The following USP34 variants were observed in gnomAD, a reference collection of about 807,000 sequenced individuals.
The protein encoded by USP34 is ubiquitin carboxyl-terminal hydrolase 34.
USP34 carries 70 observed loss-of-function variants against 460.3 expected under a neutral mutation model. The observed-to-expected ratio is 0.15, with a 90% CI of 0.13 to 0.19. The LOEUF is 0.19. Among genes scored for constraint, USP34 ranks in the 10% least tolerant of loss-of-function variants. The pLI is 1.00. For synonymous variants in USP34, 1,647 were observed against 1,405.3 expected (o/e 1.17, Z -3.85); for missense variants, 3,985 against 4,236.2 (o/e 0.94, Z 1.65).
chr2:61,360,092 A>G (rs1282810455), intron 10 of USP34, among the ~76,000 whole-genome samples: 1 of 152,038 alleles, frequency 6.6e-6, no homozygotes, highest in Non-Finnish European at 1.5e-5. Context: ...AAGCACACAA[A>G]TAATAGCATA....
chr2:61,275,115 A>G (rs904075363), intron 41 of USP34, among the ~76,000 whole-genome samples: 6 of 151,930 alleles, frequency 3.9e-5, no homozygotes, highest in South Asian at 2.1e-4. Flanking sequence ...CGTCTCTACA[A>G]AAGATTTTTA....
intron 68 of USP34, among the ~76,000 whole-genome samples, chr2:61,212,380 C>T (rs1352022572): frequency 6.6e-6 from 1 of 152,182 alleles, no homozygotes; most frequent in Non-Finnish European, 1.5e-5. Context: ...GCATGCCACA[C>T]CATCTCCTAT....
At chr2:61,430,959 C>A (rs771900038) in intron 1 of USP34, among the ~76,000 whole-genome samples, 1 of 151,938 alleles carries the variant, frequency 6.6e-6, no homozygotes, top group African/African-American at 2.4e-5. Flanking sequence ...GAGCTATGAT[C>A]GTGCGCCCCT....
intron 1 of USP34, among the ~76,000 whole-genome samples, chr2:61,437,800 A>AATAAATAAATAAATAG (rs1694858319): frequency 6.7e-6 from 1 of 149,968 alleles, no homozygotes; most frequent in African/African-American, 2.4e-5. Flanking sequence ...TAAATAAATA[A>AATAAATAAATAAATAG]ATAAATAAAT....
intron 35 of USP34, among the ~76,000 whole-genome samples, chr2:61,284,111 C>T (rs115858710): frequency 1.9e-3 from 295 of 152,090 alleles, no homozygotes; most frequent in African/African-American, 6.8e-3. Flanking sequence ...ACAGCAAATA[C>T]GAAATGACTT....
chr2:61,291,735 G>A (rs1489702073), intron 33 of USP34, among the ~76,000 whole-genome samples: 1 of 152,028 alleles, frequency 6.6e-6, no homozygotes, highest in East Asian at 1.9e-4. Flanking sequence ...GTATTGGCAA[G>A]GTATACCACT....
intron 25 of USP34, among the ~76,000 whole-genome samples, chr2:61,313,024 A>AAT (rs1212684557): frequency 6.6e-6 from 1 of 152,196 alleles, no homozygotes; most frequent in Non-Finnish European, 1.5e-5. Flanking sequence ...TTCAATTAAT[A>AAT]ATAGCACTAA....
intron 51 of USP34, among the ~76,000 whole-genome samples, chr2:61,243,486 A>G (rs1000751933): frequency 1.3e-5 from 2 of 152,118 alleles, no homozygotes; most frequent in African/African-American, 4.8e-5. Flanking sequence ...TAAAATATGT[A>G]AAAGAAAAAA....
At chr2:61,405,612 G>A (rs748668955) in intron 3 of USP34, 96 bp downstream of exon 3, 23 of 1,126,938 alleles carry the variant, frequency 2.0e-5, no homozygotes, top group Non-Finnish European at 2.6e-5. Context: ...ATGATTTTCC[G>A]CCAGCAGAAA....
intron 1 of USP34, among the ~76,000 whole-genome samples, chr2:61,425,696 C>G (rs1325962710): frequency 1.3e-5 from 2 of 152,102 alleles, no homozygotes; most frequent in East Asian, 3.9e-4. Context: ...GACTACAACT[C>G]TTAACCGATT....
chr2:61,284,826 T>G, intron 35 of USP34, 49 bp downstream of exon 35: 1 of 1,419,792 alleles, frequency 7.0e-7, no homozygotes, highest in Middle Eastern at 2.5e-4. Context: ...TTTAAAACAT[T>G]ATATTCCTGC....
chr2:61,234,408 C>A (rs1445323806), intron 57 of USP34, among the ~76,000 whole-genome samples: 1 of 152,028 alleles, frequency 6.6e-6, no homozygotes, highest in Non-Finnish European at 1.5e-5. Flanking sequence ...AGTGGGTTAT[C>A]CTTAGGGATG....
In USP34 at chr2:61,236,021, C is replaced by A; in HGVS notation, c.6966+5G>T. ...ACAAAAAAATCCATAGTAGAAAACACATACCTTTTCTTTAGAATGAATAAA... is the reference window on the plus strand; with the variant it reads ...ACAAAAAAATCCATAGTAGAAAACAAATACCTTTTCTTTAGAATGAATAAA... On this transcript the variant is annotated splice_donor_5th_base_variant and intron_variant, in intron 56 of 79. Coordinates refer to ENST00000398571, the MANE Select transcript of USP34 (RefSeq NM_014709.4). The A allele has an allele frequency of 3.1e-6, 5 of 1,605,550 alleles. No individual in the cohort carries two copies. Among genetic ancestry groups the A allele is most frequent in the Non-Finnish European group, 4.2e-6 (5 of 1,177,776 alleles).
chr2:61,218,863 T>C (rs1242641334), intron 67 of USP34, among the ~76,000 whole-genome samples: 2 of 152,196 alleles, frequency 1.3e-5, no homozygotes, highest in African/African-American at 2.4e-5. Context: ...ACCTCATTGA[T>C]TACCAATGAT....
intron 3 of USP34, among the ~76,000 whole-genome samples, chr2:61,397,549 T>C (rs1693573646): frequency 6.6e-6 from 1 of 152,034 alleles, no homozygotes; most frequent in Non-Finnish European, 1.5e-5. Context: ...GCGAATCACT[T>C]GAGGTCAGGA....
chr2:61,223,538 T>C, intron 62 of USP34: 1 of 468,146 alleles, frequency 2.1e-6, no homozygotes, highest in Non-Finnish European at 3.8e-6. Flanking sequence ...ACTATTTTAG[T>C]ATATAAAACA....
intron 1 of USP34, among the ~76,000 whole-genome samples, chr2:61,466,800 T>C (rs1195989482): frequency 6.6e-6 from 1 of 151,430 alleles, no homozygotes; most frequent in African/African-American, 2.4e-5. Context: ...TAGTCTCAGT[T>C]ACTCAGGAGG....
intron 41 of USP34, among the ~76,000 whole-genome samples, chr2:61,270,312 G>A (rs907432283): frequency 5.3e-5 from 8 of 152,182 alleles, no homozygotes; most frequent in East Asian, 3.8e-4. Flanking sequence ...ACAAGACTCC[G>A]TGAATCAAAA....
rs759082489 is a variant in USP34, at chr2:61,350,530, G to C, written c.1377+38C>G. 4 of 1,563,092 alleles carry C rather than the reference G, an allele frequency of 2.6e-6. No homozygotes were observed. The South Asian group carries it at 4.8e-5, about 19-fold the overall frequency. ...AATCACAAGGAAATTTTCACTTCAC[G>C]GGAAAAAAAAAAAACTATCATGTTT... On this transcript the variant is annotated intron_variant, in intron 11 of 79. Transcript: ENST00000398571.
Sources: gnomAD v4.1 joint callset for allele counts (sites outside exome capture counted in the v4.1 genomes callset) on GRCh38, gnomAD v4.1.1 for gene constraint, MANE v1.5 for transcripts, NCBI Gene and HGNC (gene_info 2026-07-23, HGNC 2026-07-21) for gene names.